Variants in CDKAL1 observed in about 807,000 individuals in gnomAD.
CDKAL1 encodes CDKAL1 threonylcarbamoyladenosine tRNA methylthiotransferase.
Under a neutral mutation model 68.2 loss-of-function variants are expected in CDKAL1, and 32 were observed. The observed-to-expected ratio is 0.47, with a 90% CI of 0.35 to 0.63. CDKAL1 has a LOEUF of 0.63. Ranked by LOEUF, CDKAL1 falls within the 30% of genes least tolerant of loss-of-function variation. The pLI is 0.00. For synonymous variants in CDKAL1, 234 were observed against 244.3 expected, an observed-to-expected ratio of 0.96 and a Z score of 0.39; for missense variants, 606 against 696.7, an observed-to-expected ratio of 0.87 and a Z score of 1.47.
chr6:21,218,156 T>C (rs4712590), intron 15 of CDKAL1, among the ~76,000 whole-genome samples: 97,894 of 152,108 alleles, frequency 0.64, 33,534 homozygotes, highest in African/African-American at 0.9. Context: ...ATTTAATATA[T>C]CTGAAATTGA....
chr6:20,859,034 A>G (rs1190827556), intron 9 of CDKAL1, among the ~76,000 whole-genome samples: 1 of 152,144 alleles, frequency 6.6e-6, no homozygotes, highest in African/African-American at 2.4e-5. Context: ...TCCATTTTTT[A>G]GTATAGGAAA....
chr6:20,742,780 C>G (rs1374349148), intron 6 of CDKAL1, among the ~76,000 whole-genome samples: 1 of 151,608 alleles, frequency 6.6e-6, no homozygotes, highest in Admixed American at 6.6e-5. Context: ...TATATGTTTA[C>G]CAGCATTACA....
chr6:21,190,630 G>A (rs1439046099), intron 13 of CDKAL1, among the ~76,000 whole-genome samples: 2 of 152,200 alleles, frequency 1.3e-5, no homozygotes, highest in East Asian at 1.9e-4. Context: ...GCCTCCCAAA[G>A]TTCTGGGATT....
At chr6:21,087,582 C>A (rs1249931873) in intron 12 of CDKAL1, among the ~76,000 whole-genome samples, 1 of 152,148 alleles carries the variant, frequency 6.6e-6, no homozygotes, top group African/African-American at 2.4e-5. Flanking sequence ...TTCCTATAGT[C>A]CTCAGCTGAT....
At chr6:21,061,762 A>C (rs1280870339) in intron 11 of CDKAL1, among the ~76,000 whole-genome samples, 1 of 152,162 alleles carries the variant, frequency 6.6e-6, no homozygotes, top group Non-Finnish European at 1.5e-5. Context: ...TGTAAGTAGG[A>C]TCATTTGCGT....
chr6:21,181,095 G>A (rs1208833708), intron 13 of CDKAL1, among the ~76,000 whole-genome samples: 2 of 152,152 alleles, frequency 1.3e-5, no homozygotes, highest in Non-Finnish European at 2.9e-5. Flanking sequence ...AAGAGGGTAG[G>A]AGTAAGAGAG....
At chr6:20,600,771 C>CATATATATATATATATATATATACATAT (rs10522824) in intron 4 of CDKAL1, among the ~76,000 whole-genome samples, 34 of 124,174 alleles carry the variant, frequency 2.7e-4, no homozygotes, top group East Asian at 1.6e-3. Context: ...TATATGTATA[C>CATATATATATATATATATATATACATAT]ATATATATAT....
chr6:21,033,226 T>C (rs1769391513), intron 11 of CDKAL1, among the ~76,000 whole-genome samples: 1 of 152,152 alleles, frequency 6.6e-6, no homozygotes, highest in Non-Finnish European at 1.5e-5. Context: ...GCTGTTGCAA[T>C]ATTTTCCCAA....
intron 13 of CDKAL1, among the ~76,000 whole-genome samples, chr6:21,183,749 G>C (rs1280246549): frequency 4.6e-5 from 7 of 152,174 alleles, no homozygotes; most frequent in African/African-American, 1.4e-4. Flanking sequence ...TGCACCTGCT[G>C]TTGGACCTCC....
intron 9 of CDKAL1, among the ~76,000 whole-genome samples, chr6:20,954,876 CAAAATGAATACTATT>C (rs1414083251): frequency 6.6e-6 from 1 of 152,138 alleles, no homozygotes; most frequent in Non-Finnish European, 1.5e-5. Flanking sequence ...AATGCAGCAA[CAAAATGAATACTATT>C]TTTAATTGAA....
At chr6:21,025,301 G>A (rs1006305044) in intron 11 of CDKAL1, among the ~76,000 whole-genome samples, 7 of 151,996 alleles carry the variant, frequency 4.6e-5, no homozygotes, top group African/African-American at 1.7e-4. Flanking sequence ...CAAACACACT[G>A]TTTTTCTTAT....
chr6:21,052,873 A>C (rs1037078792), intron 11 of CDKAL1, among the ~76,000 whole-genome samples: 2 of 152,266 alleles, frequency 1.3e-5, no homozygotes, highest in East Asian at 1.9e-4. Context: ...AAGAGAATAT[A>C]ATTGAGTCTC....
At chr6:21,092,786 T>C (rs1481934617) in intron 12 of CDKAL1, among the ~76,000 whole-genome samples, 1 of 150,130 alleles carries the variant, frequency 6.7e-6, no homozygotes, top group African/African-American at 2.4e-5. Context: ...AGAGAAGATA[T>C]TTTATTCATG....
intron 2 of CDKAL1, among the ~76,000 whole-genome samples, chr6:20,545,520 T>C (rs1373374443): frequency 6.6e-6 from 1 of 152,140 alleles, no homozygotes; most frequent in East Asian, 1.9e-4. Flanking sequence ...CACTGCAACC[T>C]CTGCCTCCTG....
intron 12 of CDKAL1, 102 bp from the exon 13 acceptor site, chr6:21,108,298 AC>A (rs878867070): frequency 3.5e-4 from 219 of 624,516 alleles, no homozygotes; most frequent in Middle Eastern, 8.8e-4. Context: ...AAAAAAAAAA[AC>A]TTTATGTATG....
At chr6:20,968,406 G>A (rs1279014005) in intron 10 of CDKAL1, among the ~76,000 whole-genome samples, 4 of 151,882 alleles carry the variant, frequency 2.6e-5, no homozygotes, top group Admixed American at 6.6e-5. Flanking sequence ...TGATCCTCCC[G>A]CCTTGGCCTC....
intron 5 of CDKAL1, among the ~76,000 whole-genome samples, chr6:20,712,279 C>G (rs1771881328): frequency 6.6e-6 from 1 of 151,956 alleles, no homozygotes; most frequent in African/African-American, 2.4e-5. Context: ...AAACCTGAAT[C>G]CAAAGTTGCA....
chr6:20,901,171 G>A (rs904421963), intron 9 of CDKAL1, among the ~76,000 whole-genome samples: 2 of 152,150 alleles, frequency 1.3e-5, no homozygotes, highest in African/African-American at 4.8e-5. Flanking sequence ...AACATATTAA[G>A]TAGCCCTTTC....
At chr6:20,786,257 A>G (rs1775666560) in intron 8 of CDKAL1, among the ~76,000 whole-genome samples, 1 of 152,156 alleles carries the variant, frequency 6.6e-6, no homozygotes, top group Non-Finnish European at 1.5e-5. Context: ...ACATAAAAGT[A>G]CATCAGTTGC....
Sources: gnomAD v4.1 joint callset for allele counts (sites outside exome capture counted in the v4.1 genomes callset) on GRCh38, gnomAD v4.1.1 for gene constraint, MANE v1.5 for transcripts, NCBI Gene and HGNC (gene_info 2026-07-23, HGNC 2026-07-21) for gene names.